SYN3: variants seen among roughly 807,000 people sequenced by gnomAD.
The protein encoded by SYN3 is synapsin-3.
Under a neutral mutation model 65.8 loss-of-function variants are expected in SYN3, and 35 were observed. The ratio of observed to expected loss-of-function variants is 0.53; its 90% CI spans 0.41 to 0.70. The LOEUF (loss-of-function observed/expected upper bound fraction) is 0.70, where lower values mean the gene tolerates loss of function less well. Among genes scored for constraint, SYN3 ranks in the 30% least tolerant of loss-of-function variants. SYN3 has a pLI of 0.00. For missense variants in SYN3, 680 were observed against 749.0 expected, an observed-to-expected ratio of 0.91 and a Z score of 1.08; for synonymous variants, 270 against 292.9, an observed-to-expected ratio of 0.92 and a Z score of 0.80.
chr22:32,509,726 G>A lies in SYN3; in HGVS notation c.*3966C>T, dbSNP rs112301246. ...TGGGACTACAGGCGCCCGCTACCAC[G>A]CCCGGCTAATTTTTTATATTTTTAG... is the stretch of plus-strand genomic sequence containing the variant. On this transcript the variant is annotated 3_prime_UTR_variant, in exon 14 of 14. Coordinates refer to ENST00000358763, the MANE Select transcript of SYN3 (RefSeq NM_003490.4). Among the ~76,000 whole-genome samples the A allele has an allele frequency of 0.13, 20,175 of 151,778 alleles. 4,280 individuals are homozygous for A. The highest frequency in any genetic ancestry group is 0.45 in the African/African-American group (18,469 of 41,252).
At chr22:32,838,769 T>C (rs913059847) in intron 6 of SYN3, among the ~76,000 whole-genome samples, 1 of 151,972 alleles carries the variant, frequency 6.6e-6, no homozygotes, top group Non-Finnish European at 1.5e-5. Flanking sequence ...GTCTTCGTTA[T>C]TGTATTACCT....
chr22:32,944,472 G>A (rs935126931), intron 3 of SYN3, among the ~76,000 whole-genome samples: 1 of 152,120 alleles, frequency 6.6e-6, no homozygotes, highest in Non-Finnish European at 1.5e-5. Context: ...ATGCAGAAAA[G>A]GCCTTTGACA....
intron 7 of SYN3, among the ~76,000 whole-genome samples, chr22:32,591,593 C>T (rs1386049554): frequency 6.6e-6 from 1 of 152,172 alleles, no homozygotes; most frequent in Non-Finnish European, 1.5e-5. Flanking sequence ...TCAGAACATG[C>T]TTTGAAACAT....
chr22:32,785,866 A>G (rs1457560925), intron 6 of SYN3, among the ~76,000 whole-genome samples: 1 of 152,170 alleles, frequency 6.6e-6, no homozygotes, highest in Non-Finnish European at 1.5e-5. Context: ...CTCTGTACCC[A>G]GAACAGGGTC....
At chr22:32,593,719 C>T (rs182932148) in intron 7 of SYN3, among the ~76,000 whole-genome samples, 30 of 152,182 alleles carry the variant, frequency 2.0e-4, no homozygotes, top group Admixed American at 1.4e-3. Flanking sequence ...GAGGACATAA[C>T]TGGATATAAG....
chr22:33,031,598 G>A (rs895287302), intron 1 of SYN3, among the ~76,000 whole-genome samples: 1 of 152,000 alleles, frequency 6.6e-6, no homozygotes, highest in Non-Finnish European at 1.5e-5. Context: ...TGTCCTTTGG[G>A]TAATTCAAGC....
At chr22:32,806,208 G>C (rs969265898) in intron 6 of SYN3, among the ~76,000 whole-genome samples, 1 of 152,088 alleles carries the variant, frequency 6.6e-6, no homozygotes, top group Non-Finnish European at 1.5e-5. Flanking sequence ...GGGGAGTCAG[G>C]AGACTGGGTC....
At chr22:32,781,921 T>C (rs1338817051) in intron 6 of SYN3, among the ~76,000 whole-genome samples, 1 of 152,098 alleles carries the variant, frequency 6.6e-6, no homozygotes, top group Non-Finnish European at 1.5e-5. Context: ...AGACAAGCAA[T>C]GTCAAAGATT....
At chr22:32,584,225 T>G (rs2058990329) in intron 7 of SYN3, 2 of 152,232 alleles carry the variant, frequency 1.3e-5, no homozygotes, top group African/African-American at 2.4e-5. Context: ...CTTGGTTTAT[T>G]GACTTACTGT....
At chr22:32,938,406 T>G (rs2050835626) in intron 3 of SYN3, among the ~76,000 whole-genome samples, 1 of 151,628 alleles carries the variant, frequency 6.6e-6, no homozygotes, top group South Asian at 2.1e-4. Flanking sequence ...GGCGGGTGTC[T>G]GTAGTTCCAG....
At chr22:32,573,772 T>G (rs1000561369) in intron 7 of SYN3, among the ~76,000 whole-genome samples, 92 of 147,434 alleles carry the variant, frequency 6.2e-4, no homozygotes, top group African/African-American at 1.9e-3. Flanking sequence ...GGGTTTTTTT[T>G]TTTTTTTTTT....
chr22:32,528,074 C>A, intron 11 of SYN3, 69 bp from the exon 12 acceptor site: 1 of 1,199,136 alleles, frequency 8.3e-7, no homozygotes, highest in African/African-American at 1.5e-5. Flanking sequence ...GAGAGGGCAG[C>A]ATTTATGAAG....
At chr22:33,025,969 A>C (rs945888783) in intron 1 of SYN3, among the ~76,000 whole-genome samples, 1 of 152,026 alleles carries the variant, frequency 6.6e-6, no homozygotes, top group African/African-American at 2.4e-5. Flanking sequence ...GCCCTCTTGC[A>C]CCTCTGTCAC....
chr22:32,531,001 C>T (rs1279141531), intron 10 of SYN3, among the ~76,000 whole-genome samples: 1 of 151,578 alleles, frequency 6.6e-6, no homozygotes, highest in African/African-American at 2.4e-5. Flanking sequence ...AACTAGGATC[C>T]CTCAGGCTCC....
chr22:33,038,235 G>A (rs542295709), intron 1 of SYN3, among the ~76,000 whole-genome samples: 5 of 152,336 alleles, frequency 3.3e-5, no homozygotes, highest in Admixed American at 1.3e-4. Context: ...TTGATGGCAC[G>A]CCATAGGCAG....
intron 6 of SYN3, among the ~76,000 whole-genome samples, chr22:32,666,602 T>C (rs1358149909): frequency 6.6e-6 from 1 of 152,194 alleles, no homozygotes; most frequent in African/African-American, 2.4e-5. Flanking sequence ...ACCCCTCTCA[T>C]GAGGCCTTCT....
chr22:32,995,980 C>A (rs1034691002), intron 2 of SYN3, among the ~76,000 whole-genome samples: 2 of 151,974 alleles, frequency 1.3e-5, no homozygotes, highest in Non-Finnish European at 2.9e-5. Flanking sequence ...GAAACACTGG[C>A]CTCTGAGTTA....
intron 3 of SYN3, among the ~76,000 whole-genome samples, chr22:32,964,325 C>T (rs899220681): frequency 6.8e-6 from 1 of 147,752 alleles, no homozygotes; most frequent in Non-Finnish European, 1.5e-5. Context: ...TGTTAAATGA[C>T]GAGTTAATGG....
chr22:32,760,108 C>T (rs1432373925), intron 6 of SYN3, among the ~76,000 whole-genome samples: 1 of 126,114 alleles, frequency 7.9e-6, no homozygotes, highest in Non-Finnish European at 1.7e-5. Context: ...CCCCAGCCAG[C>T]GCCCACCCAC....
Sources: gnomAD v4.1 joint callset for allele counts (sites outside exome capture counted in the v4.1 genomes callset) on GRCh38, gnomAD v4.1.1 for gene constraint, MANE v1.5 for transcripts, NCBI Gene and HGNC (gene_info 2026-07-23, HGNC 2026-07-21) for gene names.